Variants in ADAMTSL3 observed in about 807,000 individuals in gnomAD.
The protein encoded by ADAMTSL3 is ADAMTS-like protein 3.
A neutral mutation model predicts 201.7 loss-of-function variants in ADAMTSL3; 128 were observed. That is an observed-to-expected ratio of 0.63 (90% CI 0.55 to 0.73). The LOEUF (loss-of-function observed/expected upper bound fraction) is 0.73. Ranked by LOEUF, ADAMTSL3 falls within the 30% of genes least tolerant of loss-of-function variation. The pLI, the probability that ADAMTSL3 is intolerant of heterozygous loss-of-function variation, is 0.00. For missense variants in ADAMTSL3, 1,990 were observed against 2,119.6 expected, an observed-to-expected ratio of 0.94 and a Z score of 1.20; for synonymous variants, 738 against 748.4, an observed-to-expected ratio of 0.99 and a Z score of 0.23.
At chr15:83,711,806 A>G (rs1179409448) in intron 3 of ADAMTSL3, among the ~76,000 whole-genome samples, 1 of 152,198 alleles carries the variant, frequency 6.6e-6, no homozygotes, top group Non-Finnish European at 1.5e-5. Flanking sequence ...GTGTGGGTAG[A>G]GATTTAATAT....
At chr15:83,662,600 GAA>G (rs34465239) in intron 2 of ADAMTSL3, among the ~76,000 whole-genome samples, 8 of 143,720 alleles carry the variant, frequency 5.6e-5, no homozygotes, top group Non-Finnish European at 1.1e-4. Context: ...AAGAAAGAAA[GAA>G]AAAAAAAAAG....
At chr15:83,881,332 G>A (rs895186389) in intron 9 of ADAMTSL3, among the ~76,000 whole-genome samples, 6 of 152,212 alleles carry the variant, frequency 3.9e-5, no homozygotes, top group Non-Finnish European at 5.9e-5. Flanking sequence ...ACCTTGGAAG[G>A]CCTTGAGCTC....
intron 16 of ADAMTSL3, among the ~76,000 whole-genome samples, chr15:83,920,302 G>C (rs377683888): frequency 6.6e-6 from 1 of 152,178 alleles, no homozygotes; most frequent in Non-Finnish European, 1.5e-5. Context: ...TCGAGCTGTA[G>C]TTTCTTCCAG....
chr15:83,661,971 G>T (rs1350085253), intron 2 of ADAMTSL3, among the ~76,000 whole-genome samples: 2 of 146,278 alleles, frequency 1.4e-5, no homozygotes, highest in Non-Finnish European at 3.0e-5. Flanking sequence ...TTACACTGTT[G>T]GTGGGACTGT....
At chr15:83,717,061 C>G (rs1405853347) in intron 3 of ADAMTSL3, among the ~76,000 whole-genome samples, 2 of 152,120 alleles carry the variant, frequency 1.3e-5, no homozygotes, top group Non-Finnish European at 2.9e-5. Context: ...AAGCTATGCT[C>G]TATTTAAAAA....
chr15:83,982,731 C>T lies in ADAMTSL3; in HGVS notation c.3103C>T (p.Gln1035Ter). Reference sequence around the variant, plus strand: ...GGGAGTCACATGGCACAAAATGAGGCAAATGTGGAATAACAAAAATGACCT... The same window carrying T: ...GGGAGTCACATGGCACAAAATGAGGTAAATGTGGAATAACAAAAATGACCT... ...SLGVTWHKMR[Q>*]MWNNKNDLYL... Residue 1035 changes from glutamine (Q) to a stop codon, truncating the protein, a stop_gained, in exon 21 of 30, where the codon CAA becomes TAA. Coordinates refer to ENST00000286744, the MANE Select transcript of ADAMTSL3 (RefSeq NM_207517.3). LOFTEE classifies it high-confidence loss of function. The T allele has an allele frequency of 6.2e-7, 1 of 1,614,042 alleles. No homozygotes were observed. The highest frequency in any genetic ancestry group is 1.7e-5 in the Admixed American group (1 of 60,010).
chr15:83,990,963 C>T, intron 22 of ADAMTSL3, 123 bp from the exon 23 acceptor site: 2 of 1,400,732 alleles, frequency 1.4e-6, no homozygotes, highest in African/African-American at 1.4e-5. Context: ...TTGAGGGATA[C>T]AGAGAGAACC....
chr15:83,832,269 C>T (rs2064172094), intron 6 of ADAMTSL3, among the ~76,000 whole-genome samples: 1 of 152,190 alleles, frequency 6.6e-6, no homozygotes, highest in African/African-American at 2.4e-5. Flanking sequence ...TCGCCACCCC[C>T]TGTTCTTATT....
chr15:83,673,086 G>C (rs1385395911), intron 2 of ADAMTSL3, among the ~76,000 whole-genome samples: 2 of 152,242 alleles, frequency 1.3e-5, no homozygotes, highest in Non-Finnish European at 2.9e-5. Flanking sequence ...AGCAAAGAAG[G>C]AATGCATGGA....
intron 23 of ADAMTSL3, 144 bp downstream of exon 23, chr15:83,991,358 A>G: frequency 1.6e-6 from 2 of 1,225,232 alleles, no homozygotes; most frequent in East Asian, 2.3e-5. Context: ...CAGCACACTG[A>G]CAGTGGATCT....
Position 83,815,681 on chromosome 15 carries a change from A to G in ADAMTSL3, c.364-4130A>G, listed in dbSNP as rs148012734. Among the ~76,000 whole-genome samples, 1,157 of 152,342 alleles carry G rather than the reference A, an allele frequency of 7.6e-3. 18 individuals are homozygous for G. The highest frequency in any genetic ancestry group is 0.026 in the African/African-American group (1,096 of 41,576). ...ACTGGAAGAATGTGAAGTGAATGAA[A>G]GCATTTATTGTAAGCAGTCAGCGTC... On this transcript the variant is annotated intron_variant, in intron 5 of 29. Transcript: ENST00000286744.
chr15:83,904,481 C>T (rs2065796826), intron 15 of ADAMTSL3, among the ~76,000 whole-genome samples: 1 of 152,126 alleles, frequency 6.6e-6, no homozygotes, highest in Non-Finnish European at 1.5e-5. Context: ...CCAAGCCAGC[C>T]TGAAGGAGAT....
intron 2 of ADAMTSL3, among the ~76,000 whole-genome samples, chr15:83,685,801 T>A (rs1445558345): frequency 6.6e-6 from 1 of 152,218 alleles, no homozygotes; most frequent in Non-Finnish European, 1.5e-5. Flanking sequence ...AGATAAACTA[T>A]GCCAAGCATC....
At position 83,819,879 on chromosome 15, in the gene ADAMTSL3, G is replaced by A; in HGVS notation, c.432G>A (p.Gln144=). 1 of 1,614,108 alleles carries A rather than the reference G, an allele frequency of 6.2e-7. No homozygotes were observed. Among genetic ancestry groups the A allele is most frequent in the Non-Finnish European group, 8.5e-7 (1 of 1,180,024 alleles). ...QCSAYNDVQY[Q]GHYYEWLPRY... ...CAGCCTACAATGATGTCCAGTATCA[G>A]GGGCATTACTATGAATGGCTTCCAC... The change falls in exon 6 of 30, where the codon CAG becomes CAA. Residue 144 remains glutamine (Q), a synonymous_variant. Transcript: ENST00000286744.
chr15:83,757,382 T>C (rs1405943060), intron 3 of ADAMTSL3, among the ~76,000 whole-genome samples: 2 of 152,216 alleles, frequency 1.3e-5, no homozygotes. Context: ...GGGCTTTCAC[T>C]CTCTGAAGCC....
At chr15:83,685,281 T>C (rs1306063257) in intron 2 of ADAMTSL3, among the ~76,000 whole-genome samples, 1 of 152,012 alleles carries the variant, frequency 6.6e-6, no homozygotes, top group Middle Eastern at 3.2e-3. Flanking sequence ...CTTTGGCCTG[T>C]TTTTTTTATC....
chr15:83,852,771 A>C (rs571473408), intron 7 of ADAMTSL3, among the ~76,000 whole-genome samples: 1 of 152,122 alleles, frequency 6.6e-6, no homozygotes, highest in Non-Finnish European at 1.5e-5. Flanking sequence ...TTTATTTCAA[A>C]TGATTAATAT....
chr15:83,709,435 G>A (rs1389545228), intron 3 of ADAMTSL3, among the ~76,000 whole-genome samples: 2 of 152,134 alleles, frequency 1.3e-5, no homozygotes, highest in African/African-American at 4.8e-5. Flanking sequence ...TAGATTCTTT[G>A]GTCATTCCTC....
intron 3 of ADAMTSL3, among the ~76,000 whole-genome samples, chr15:83,734,907 A>G (rs888029412): frequency 6.6e-6 from 1 of 152,002 alleles, no homozygotes; most frequent in African/African-American, 2.4e-5. Flanking sequence ...GCATCTTGAG[A>G]TGGTCATCCA....
Sources: allele counts gnomAD v4.1 joint callset (sites outside exome capture counted in the v4.1 genomes callset), GRCh38; gene constraint gnomAD v4.1.1; transcripts MANE v1.5; gene names NCBI Gene and HGNC (gene_info 2026-07-23, HGNC 2026-07-21).